The following TECPR1 variants were observed in gnomAD, a reference collection of about 807,000 sequenced individuals.
The protein encoded by TECPR1 is tectonin beta-propeller repeat-containing protein 1.
A neutral mutation model predicts 162.4 loss-of-function variants in TECPR1; 122 were observed. The ratio of observed to expected loss-of-function variants is 0.75; its 90% CI spans 0.65 to 0.87. The LOEUF (loss-of-function observed/expected upper bound fraction) is 0.87, where lower values mean the gene tolerates loss of function less well. Ranked by LOEUF, TECPR1 falls within the 40% of genes least tolerant of loss-of-function variation. The pLI is 0.00. For missense variants in TECPR1, 1,432 were observed against 1,618.2 expected, an observed-to-expected ratio of 0.88 and a Z score of 1.97; for synonymous variants, 642 against 670.6, an observed-to-expected ratio of 0.96 and a Z score of 0.66.
At chr7:98,234,705 CTTT>C (rs34332931) in intron 10 of TECPR1, among the ~76,000 whole-genome samples, 93 of 73,506 alleles carry the variant, frequency 1.3e-3, no homozygotes, top group Middle Eastern at 0.019. Flanking sequence ...TTGTTATTGT[CTTT>C]TTTTTTTTTT....
chr7:98,233,820 GC>G lies in TECPR1; in HGVS notation c.1272del (p.Pro425LeufsTer10), dbSNP rs778916641. The G allele has an allele frequency of 1.2e-6, 2 of 1,602,592 alleles. No individual in the cohort carries two copies. Among genetic ancestry groups the G allele is most frequent in the Non-Finnish European group, 1.7e-6 (2 of 1,175,242 alleles). ...GGTTCTGCAGGGAGAATCTGGCCAG[GC>G]CCTGGTCTCTCGACTTCCGAGGAGG... ...TDASSEVERP[G>X]PGQILPAEPL... On this transcript the variant is annotated frameshift_variant, in exon 11 of 26. Coordinates refer to ENST00000447648, the MANE Select transcript of TECPR1 (RefSeq NM_015395.3). LOFTEE classifies it high-confidence loss of function.
In TECPR1 at chr7:98,224,839, C is replaced by T. The variant is rs756007207; in HGVS notation, c.2652G>A (p.Thr884=). The T allele has an allele frequency of 7.6e-6, 12 of 1,578,466 alleles. No individual in the cohort carries two copies. The highest frequency in any genetic ancestry group is 1.8e-5 in the Admixed American group (1 of 54,564). ...WFVDFSVPGG[T]DQEGWQYASD... is the part of the protein sequence containing the mutation. ...TGGCATACTGCCACCCCTCCTGGTC[C>T]GTGCCCCCCGGAACGCTGAAATCCA... The change falls in exon 19 of 26, where the codon ACG becomes ACA. Residue 884 remains threonine (T), a synonymous_variant. Coordinates refer to ENST00000447648, the MANE Select transcript of TECPR1 (RefSeq NM_015395.3).
In TECPR1 at chr7:98,221,698, G is replaced by C. The variant is rs536662363; in HGVS notation, c.3120C>G (p.Ser1040=). The change falls in exon 23 of 26, where the codon TCC becomes TCG. Residue 1040 remains serine, a synonymous_variant. Transcript: ENST00000447648. The part of the protein sequence containing the change: ...SPPRQRLKQV[S]AGQTSVYALD... ...GGGCATACACCGACGTCTGCCCCGC[G>C]GACACCTGCTTCAGCCTCTGTCTCG... 6.2e-7 allele frequency: 1 copy of C among 1,613,318 alleles called. No individual in the cohort carries two copies.
intron 10 of TECPR1, among the ~76,000 whole-genome samples, chr7:98,234,629 C>T (rs1033549345): frequency 1.2e-4 from 18 of 151,338 alleles, no homozygotes; most frequent in African/African-American, 4.4e-4. Flanking sequence ...TCCACAGTGG[C>T]TGTACCATTT....
At chr7:98,220,056 A>C (rs537675596) in intron 23 of TECPR1, among the ~76,000 whole-genome samples, 82 of 151,692 alleles carry the variant, frequency 5.4e-4, no homozygotes, top group Middle Eastern at 3.4e-3. Flanking sequence ...TCAAAAAACA[A>C]CACAGCCAGG....
rs1330012990 is a variant in TECPR1, at chr7:98,240,945, G to T, written c.839C>A (p.Ser280Tyr). 6.2e-7 allele frequency: 1 copy of T among 1,606,320 alleles called. No individual in the cohort carries two copies. The highest frequency in any genetic ancestry group is 8.5e-7 in the Non-Finnish European group (1 of 1,177,552). ...GINRSNPKGS[S>Y]WSIVEPPGSE... ...TCCAGGAGGCTCCACGATGGACCAG[G>T]AACTTCCTACCGGGCCCCCAAGAAA... The change falls in exon 8 of 26, where the codon TCC becomes TAC. Residue 280 changes from serine (S) to tyrosine (Y), a missense_variant. Transcript: ENST00000447648.
intron 13 of TECPR1, 139 bp downstream of exon 13, chr7:98,231,664 TA>T: frequency 1.3e-6 from 1 of 745,252 alleles, no homozygotes; most frequent in East Asian, 5.0e-5. Flanking sequence ...CTCCCCTGGG[TA>T]CCCTCATTTC....
rs1798862183 is a variant in TECPR1, at chr7:98,244,881, C to T, written c.408+4G>A. On this transcript the variant is annotated splice_donor_region_variant and intron_variant, in intron 4 of 25. Transcript: ENST00000447648. ...CAGTCATGGAGGGTCCCAAGTTCAC[C>T]TACCCCTTTCTCAGTGGGTTCACCT... The T allele has an allele frequency of 6.2e-7, 1 of 1,612,950 alleles. No individual in the cohort carries two copies. The highest frequency in any genetic ancestry group is 8.5e-7 in the Non-Finnish European group (1 of 1,179,828).
At position 98,222,519 on chromosome 7, in the gene TECPR1, G is replaced by A. The variant is rs1033842739; in HGVS notation, c.2931C>T (p.Gly977=). The change falls in exon 22 of 26, where the codon GGC becomes GGT. Residue 977 remains glycine (G), a splice_region_variant and synonymous_variant. Transcript: ENST00000447648. ...RLGVSELNPA[G]SSWLHVGTDQ... Reference sequence around the variant, plus strand: ...CGGTGCCAACGTGCAGCCAGGAGGAGCCCTGGGGATAGCAAGGAGGGGCGC... The same window carrying A: ...CGGTGCCAACGTGCAGCCAGGAGGAACCCTGGGGATAGCAAGGAGGGGCGC... The A allele has an allele frequency of 2.1e-5, 33 of 1,577,472 alleles. No individual in the cohort carries two copies. The highest frequency in any genetic ancestry group is 2.8e-5 in the Non-Finnish European group (33 of 1,163,060).
Position 98,244,966 on chromosome 7 carries a change from C to T in TECPR1, c.327G>A (p.Val109=), listed in dbSNP as rs200324506. ...ACTCCCAGTGCGGCGAGGGCAGTGC[C>T]ACCCTGTCCAGCGGCCGGTGCTGGA... The part of the protein sequence containing the change: ...SGLQHRPLDR[V]ALPSPHWEWE... The change falls in exon 4 of 26, where the codon GTG becomes GTA. Residue 109 remains valine, a synonymous_variant. Coordinates refer to ENST00000447648, the MANE Select transcript of TECPR1 (RefSeq NM_015395.3). The T allele has an allele frequency of 2.2e-5, 36 of 1,612,730 alleles. No individual in the cohort carries two copies. In the Admixed American group the frequency reaches 4.2e-4, roughly 19 times the overall value.
chr7:98,231,336 A>G lies in TECPR1; in HGVS notation c.2012T>C (p.Val671Ala). 1.2e-6 allele frequency: 2 copies of G among 1,609,602 alleles called. No homozygotes were observed. Among genetic ancestry groups the G allele is most frequent in the Non-Finnish European group, 1.7e-6 (2 of 1,178,042 alleles). The change falls in exon 14 of 26, where the codon GTC (valine) becomes GCC (alanine). Residue 671 changes from valine (V) to alanine (A), a missense_variant. Val to Ala is a moderately conservative substitution (Grantham distance 64). Coordinates refer to ENST00000447648, the MANE Select transcript of TECPR1 (RefSeq NM_015395.3). ...HIFLNEVVAL[V>A]PVLNETKHSF... ...GTGCTTGGTCTCGTTCAGCACTGGG[A>G]CCAGCGCCACCACCTCATTCAGGAA...
intron 16 of TECPR1, 95 bp from the exon 17 acceptor site, chr7:98,228,211 G>A (rs1043441330): frequency 9.9e-7 from 1 of 1,010,688 alleles, no homozygotes; most frequent in Non-Finnish European, 1.5e-6. Context: ...GAGAGACGGG[G>A]AGGGCGGGCT....
At chr7:98,244,351 G>A (rs1026899445) in intron 5 of TECPR1, among the ~76,000 whole-genome samples, 1 of 152,252 alleles carries the variant, frequency 6.6e-6, no homozygotes, top group African/African-American at 2.4e-5. Context: ...CAAGTTCTGT[G>A]CTGTCCTGGG....
intron 21 of TECPR1, 168 bp downstream of exon 21, chr7:98,222,822 C>A (rs1215900782): frequency 4.0e-5 from 38 of 955,918 alleles, no homozygotes; most frequent in Non-Finnish European, 6.0e-5. Flanking sequence ...TCACCCCCGC[C>A]CCACCCGCCT....
chr7:98,229,167 C>T lies in TECPR1; in HGVS notation c.2283-1G>A, dbSNP rs1289689756. 1.3e-6 allele frequency: 2 copies of T among 1,557,282 alleles called. No homozygotes were observed. The highest frequency in any genetic ancestry group is 1.7e-6 in the Non-Finnish European group (2 of 1,150,732). ...GTGGCCTCCCATCTGCCGCCAAAAC[C>T]TGGAAGGATGGGAGAGGGCAGGTGG... On this transcript the variant is annotated splice_acceptor_variant, in intron 15 of 25. Coordinates refer to ENST00000447648, the MANE Select transcript of TECPR1 (RefSeq NM_015395.3). LOFTEE classifies it high-confidence loss of function.
At chr7:98,223,553 G>C in intron 20 of TECPR1, 109 bp downstream of exon 20, 1 of 1,167,432 alleles carries the variant, frequency 8.6e-7, no homozygotes, top group East Asian at 2.4e-5. Flanking sequence ...CCTTGGGACT[G>C]AGGTCAGAGG....
intron 2 of TECPR1, among the ~76,000 whole-genome samples, chr7:98,249,192 T>A (rs13237878): frequency 0.37 from 55,834 of 151,816 alleles, 12,045 homozygotes; most frequent in Middle Eastern, 0.56. Context: ...AAGGTATATC[T>A]TACAAACACC....
intron 11 of TECPR1, 96 bp from the exon 12 acceptor site, chr7:98,233,068 A>C (rs1798492575): frequency 7.2e-7 from 1 of 1,389,974 alleles, no homozygotes; most frequent in Non-Finnish European, 9.6e-7. Flanking sequence ...AGCCCTTTCT[A>C]GCTCAAAAGC....
chr7:98,243,061 C>CACACCTT lies in TECPR1; in HGVS notation c.657+405_657+406insAAGGTGT, dbSNP rs1798809306. The stretch of plus-strand genomic sequence containing the variant: ...TTCTGCCCACACACCCACCCATCCA[C>CACACCTT]CCATCCATCCACACACCCACCTATC... On this transcript the variant is annotated intron_variant, in intron 6 of 25. Transcript: ENST00000447648. 3.3e-5 allele frequency among the ~76,000 whole-genome samples: 3 copies of CACACCTT among 91,326 alleles called. 1 individual carries two copies. The highest frequency in any genetic ancestry group is 7.2e-5 in the Non-Finnish European group (3 of 41,668). 59.9% of individuals were successfully genotyped at this position (91,326 alleles called of 152,430 possible). A position where few individuals can be genotyped will look rare whatever the true frequency, so the allele number is the denominator to read the frequency against.
Sources: allele counts gnomAD v4.1 joint callset (sites outside exome capture counted in the v4.1 genomes callset), GRCh38; gene constraint gnomAD v4.1.1; transcripts MANE v1.5; gene names NCBI Gene and HGNC (gene_info 2026-07-23, HGNC 2026-07-21).